Variants in SCHIP1 observed in about 807,000 individuals in gnomAD.
The protein encoded by SCHIP1 is schwannomin interacting protein 1.
Under a neutral mutation model 29.7 loss-of-function variants are expected in SCHIP1, and 8 were observed. The ratio of observed to expected loss-of-function variants is 0.27; its 90% CI spans 0.16 to 0.49. SCHIP1 has a LOEUF of 0.49. Ranked by LOEUF, SCHIP1 falls within the 20% of genes least tolerant of loss-of-function variation. SCHIP1 has a pLI of 0.99. For synonymous variants in SCHIP1, 76 were observed against 94.9 expected (o/e 0.80, Z 1.16); for missense variants, 193 against 294.6 (o/e 0.66, Z 2.52).
the SCHIP1 span, among the ~76,000 whole-genome samples, chr3:159,605,295 G>A: frequency 6.6e-6 from 1 of 152,208 alleles, no homozygotes; most frequent in Non-Finnish European, 1.5e-5. Context: ...AAATTTCACA[G>A]TGCCACATGC....
At chr3:159,874,942 C>G (rs2109328848) in intron 2 of SCHIP1, among the ~76,000 whole-genome samples, 1 of 150,132 alleles carries the variant, frequency 6.7e-6, no homozygotes, top group South Asian at 2.1e-4. Context: ...TAAGTATTTC[C>G]AAGGTGTGTG....
chr3:159,466,555 T>C, the SCHIP1 span, among the ~76,000 whole-genome samples: 1 of 152,184 alleles, frequency 6.6e-6, no homozygotes. Flanking sequence ...GATGTATTGC[T>C]ACCGTGACAG....
At chr3:159,468,749 ATAATATAATAT>A in the SCHIP1 span, among the ~76,000 whole-genome samples, 1 of 121,928 alleles carries the variant, frequency 8.2e-6, no homozygotes, top group East Asian at 2.4e-4. Context: ...TATATAATAT[ATAATATAATAT>A]ATATATATAT....
the SCHIP1 span, among the ~76,000 whole-genome samples, chr3:159,316,427 C>A: frequency 6.6e-6 from 1 of 152,158 alleles, no homozygotes; most frequent in Non-Finnish European, 1.5e-5. Flanking sequence ...TTGCTGGAAG[C>A]TGATTAGATT....
the SCHIP1 span, among the ~76,000 whole-genome samples, chr3:159,618,153 C>A: frequency 6.6e-6 from 1 of 152,190 alleles, no homozygotes; most frequent in African/African-American, 2.4e-5. Flanking sequence ...TATGGGGAAA[C>A]TGAGGCTCAG....
chr3:159,578,272 T>C, the SCHIP1 span, among the ~76,000 whole-genome samples: 1 of 152,184 alleles, frequency 6.6e-6, no homozygotes, highest in Non-Finnish European at 1.5e-5. Flanking sequence ...CTAATCCAGA[T>C]TGCGAGGCAC....
At chr3:159,523,483 T>C in the SCHIP1 span, among the ~76,000 whole-genome samples, 83,099 of 152,070 alleles carry the variant, frequency 0.55, 22,914 homozygotes, top group East Asian at 0.69. Context: ...AGTAGGTTTT[T>C]GTCTTTTAAA....
rs527636409 is a variant in SCHIP1, at chr3:159,849,076, G to A, written c.30+8862G>A. Among the ~76,000 whole-genome samples, 19 of 152,180 alleles carry A rather than the reference G, an allele frequency of 1.2e-4. No individual in the cohort carries two copies. The South Asian group carries it at 3.9e-3, about 32-fold the overall frequency. ...ACTTACGACAAAAAAGGAGCTAGCA[G>A]GTAGAGGAGTGGAATGGTCTTTTAG... On this transcript the variant is annotated intron_variant, in intron 1 of 6. Transcript: ENST00000445224.
At chr3:159,840,131 C>T (rs1744090815) in exon 1 of SCHIP1, 1 of 1,533,602 alleles carries the variant, frequency 6.5e-7, no homozygotes, top group Non-Finnish European at 8.7e-7. Context: ...GCCTGCCCTC[C>T]GCAGCCTCGC....
At chr3:159,434,531 A>G in the SCHIP1 span, among the ~76,000 whole-genome samples, 1 of 152,118 alleles carries the variant, frequency 6.6e-6, no homozygotes, top group Admixed American at 6.6e-5. Context: ...GGTTTCCCCT[A>G]AAGGTAGCAA....
chr3:159,317,151 C>T, the SCHIP1 span, among the ~76,000 whole-genome samples: 1 of 152,158 alleles, frequency 6.6e-6, no homozygotes, highest in Non-Finnish European at 1.5e-5. Flanking sequence ...TAATGGATCT[C>T]CTGTATTCCA....
chr3:159,442,135 A>G, the SCHIP1 span, among the ~76,000 whole-genome samples: 26 of 152,276 alleles, frequency 1.7e-4, no homozygotes, highest in African/African-American at 6.0e-4. Flanking sequence ...GAGACTGTAA[A>G]TGGGTCTTTA....
chr3:159,455,391 C>T, the SCHIP1 span, among the ~76,000 whole-genome samples: 3 of 152,150 alleles, frequency 2.0e-5, no homozygotes, highest in African/African-American at 7.2e-5. Flanking sequence ...ACCCAGATGG[C>T]CAGAGAAGAC....
chr3:159,727,148 A>G, the SCHIP1 span, among the ~76,000 whole-genome samples: 18 of 152,350 alleles, frequency 1.2e-4, no homozygotes, highest in South Asian at 1.0e-3. Flanking sequence ...TTGAGCATCA[A>G]TCATTTGCAA....
chr3:159,565,498 C>G, the SCHIP1 span, among the ~76,000 whole-genome samples: 1 of 152,096 alleles, frequency 6.6e-6, no homozygotes, highest in Non-Finnish European at 1.5e-5. Flanking sequence ...TATTTCCTGC[C>G]CTAGTGGCAG....
the SCHIP1 span, among the ~76,000 whole-genome samples, chr3:159,688,043 T>C: frequency 3.3e-5 from 5 of 152,230 alleles, no homozygotes; most frequent in African/African-American, 7.2e-5. Context: ...CTATCGTGAA[T>C]AGTGCTGCAG....
chr3:159,581,761 A>G, the SCHIP1 span, among the ~76,000 whole-genome samples: 8 of 152,232 alleles, frequency 5.3e-5, no homozygotes, highest in Non-Finnish European at 1.0e-4. Flanking sequence ...TCAAATCTAC[A>G]GTAATCAGGA....
the SCHIP1 span, among the ~76,000 whole-genome samples, chr3:159,508,373 C>T: frequency 9.2e-4 from 140 of 152,124 alleles, no homozygotes; most frequent in Admixed American, 2.1e-3. Context: ...CTTTATTTGT[C>T]TTGCTAGTGG....
At chr3:159,352,027 A>C in the SCHIP1 span, among the ~76,000 whole-genome samples, 1 of 152,184 alleles carries the variant, frequency 6.6e-6, no homozygotes, top group African/African-American at 2.4e-5. Context: ...CTGTAGAAAA[A>C]CACATGGAAG....
Sources: allele counts gnomAD v4.1 joint callset (sites outside exome capture counted in the v4.1 genomes callset), GRCh38; gene constraint gnomAD v4.1.1; transcripts MANE v1.5; gene names NCBI Gene and HGNC (gene_info 2026-07-23, HGNC 2026-07-21).